Variants in CFAP95 observed in about 807,000 individuals in gnomAD.
The protein encoded by CFAP95 is cilia and flagella associated protein 95, also known as cilia- and flagella-associated protein 95.
chr9:69,838,678 A>C, the CFAP95 span, among the ~76,000 whole-genome samples: 1 of 151,936 alleles, frequency 6.6e-6, no homozygotes. Flanking sequence ...TCGTCTGCAA[A>C]CTGGGACAAT....
chr9:69,873,658 G>A, the CFAP95 span, among the ~76,000 whole-genome samples: 10 of 152,110 alleles, frequency 6.6e-5, no homozygotes, highest in Non-Finnish European at 1.3e-4. Flanking sequence ...TTTAAGTCAC[G>A]TACTCACATT....
the CFAP95 span, among the ~76,000 whole-genome samples, chr9:69,874,608 G>C: frequency 1.3e-5 from 2 of 152,302 alleles, no homozygotes; most frequent in East Asian, 3.9e-4. Flanking sequence ...AAAAAAACCT[G>C]GGATTCTCTT....
the CFAP95 span, chr9:69,858,235 G>A: frequency 8.7e-6 from 4 of 460,962 alleles, no homozygotes; most frequent in African/African-American, 8.0e-5. Context: ...TTACCTATTT[G>A]TATCCCACAA....
chr9:69,896,904 G>GA, the CFAP95 span, among the ~76,000 whole-genome samples: 14 of 152,056 alleles, frequency 9.2e-5, no homozygotes, highest in Admixed American at 8.5e-4. Flanking sequence ...AAAAAATTTT[G>GA]AAAAAATAAA....
chr9:69,906,105 C>T, the CFAP95 span: 2 of 1,609,660 alleles, frequency 1.2e-6, no homozygotes, highest in Non-Finnish European at 1.7e-6. Flanking sequence ...AAACTCTATC[C>T]CTTGACTAGT....
At chr9:69,884,811 C>T in the CFAP95 span, among the ~76,000 whole-genome samples, 2 of 151,164 alleles carry the variant, frequency 1.3e-5, no homozygotes, top group Non-Finnish European at 2.9e-5. Flanking sequence ...AATAATGTCC[C>T]CCTGTTCCTT....
the CFAP95 span, among the ~76,000 whole-genome samples, chr9:69,870,113 T>C: frequency 2.6e-5 from 4 of 152,234 alleles, no homozygotes. Flanking sequence ...AAATCTTATA[T>C]TGTCCTTTCA....
At chr9:69,845,893 T>C in the CFAP95 span, among the ~76,000 whole-genome samples, 103 of 152,242 alleles carry the variant, frequency 6.8e-4, no homozygotes, top group East Asian at 0.018. Flanking sequence ...CTCTTCCCTT[T>C]GCACCAGGCT....
chr9:69,843,634 C>T, the CFAP95 span, among the ~76,000 whole-genome samples: 23 of 113,722 alleles, frequency 2.0e-4, no homozygotes, highest in South Asian at 3.1e-4. Flanking sequence ...CTTCTTCCTC[C>T]TCCTCCTCCT....
the CFAP95 span, among the ~76,000 whole-genome samples, chr9:69,839,975 G>A: frequency 6.6e-6 from 1 of 151,644 alleles, no homozygotes; most frequent in Non-Finnish European, 1.5e-5. Flanking sequence ...TATTCAGAGG[G>A]TTGAGGGAGG....
the CFAP95 span, among the ~76,000 whole-genome samples, chr9:69,834,362 T>C: frequency 6.6e-6 from 1 of 152,346 alleles, no homozygotes; most frequent in African/African-American, 2.4e-5. Context: ...CAGAACGTAC[T>C]CACCCTGGTT....
the CFAP95 span, among the ~76,000 whole-genome samples, chr9:69,905,615 G>A: frequency 1.3e-5 from 2 of 150,470 alleles, no homozygotes; most frequent in African/African-American, 2.5e-5. Context: ...GTGTTGAATT[G>A]TAATTAAATT....
At chr9:69,848,301 G>A in the CFAP95 span, among the ~76,000 whole-genome samples, 1 of 152,200 alleles carries the variant, frequency 6.6e-6, no homozygotes, top group Non-Finnish European at 1.5e-5. Context: ...TTCAGAGCCT[G>A]TCGAACAGCA....
chr9:69,854,277 CA>C, the CFAP95 span, among the ~76,000 whole-genome samples: 1 of 152,188 alleles, frequency 6.6e-6, no homozygotes, highest in African/African-American at 2.4e-5. Context: ...AGAGTTGTCA[CA>C]AGCATTTAAT....
the CFAP95 span, among the ~76,000 whole-genome samples, chr9:69,874,630 T>C: frequency 0.86 from 130,262 of 152,186 alleles, 55,964 homozygotes; most frequent in Middle Eastern, 0.93. Context: ...CTGTTGGCTT[T>C]ATTCCCTCCC....
At chr9:69,901,358 C>G in the CFAP95 span, among the ~76,000 whole-genome samples, 10 of 152,172 alleles carry the variant, frequency 6.6e-5, 1 homozygote, top group Admixed American at 4.6e-4. Flanking sequence ...AGGATGGTCT[C>G]GATCTCCTGA....
chr9:69,869,852 G>A, the CFAP95 span, among the ~76,000 whole-genome samples: 1 of 151,986 alleles, frequency 6.6e-6, no homozygotes, highest in Non-Finnish European at 1.5e-5. Flanking sequence ...TAAAGAGCCA[G>A]TATAATTAGT....
chr9:69,823,808 G>A, the CFAP95 span, among the ~76,000 whole-genome samples: 15 of 152,170 alleles, frequency 9.9e-5, no homozygotes, highest in Non-Finnish European at 2.1e-4. Flanking sequence ...GTTCTCTGGC[G>A]GGCAGGAGTG....
chr9:69,874,920 C>G, the CFAP95 span, among the ~76,000 whole-genome samples: 494 of 152,290 alleles, frequency 3.2e-3, 6 homozygotes, highest in African/African-American at 0.011. Context: ...TTGATGTAGT[C>G]CAGCTCTGCT....
Sources: allele counts gnomAD v4.1 joint callset (sites outside exome capture counted in the v4.1 genomes callset), GRCh38; gene constraint gnomAD v4.1.1; transcripts MANE v1.5; gene names NCBI Gene and HGNC (gene_info 2026-07-23, HGNC 2026-07-21).